The following PDZRN4 variants were observed in gnomAD, a reference collection of about 807,000 sequenced individuals.
The protein encoded by PDZRN4 is PDZ domain containing ring finger 4.
In PDZRN4, 70 loss-of-function variants were observed where a neutral mutation model predicts 99.0. That is an observed-to-expected ratio of 0.71 (90% CI 0.58 to 0.86). The LOEUF is 0.86. Among genes scored for constraint, PDZRN4 ranks in the 40% least tolerant of loss-of-function variants. The pLI, the probability that PDZRN4 is intolerant of heterozygous loss-of-function variation, is 0.00. For missense variants in PDZRN4, 1,474 were observed against 1,331.2 expected (o/e 1.11, Z -1.67); for synonymous variants, 551 against 501.6 (o/e 1.10, Z -1.32).
intron 3 of PDZRN4, among the ~76,000 whole-genome samples, chr12:41,477,598 C>T (rs1937614340): frequency 1.3e-5 from 2 of 152,124 alleles, no homozygotes; most frequent in South Asian, 2.1e-4. Flanking sequence ...AAGGTAGCAG[C>T]CATCAGCAAA....
intron 3 of PDZRN4, among the ~76,000 whole-genome samples, chr12:41,464,636 C>T (rs1952907708): frequency 1.3e-5 from 2 of 152,082 alleles, no homozygotes; most frequent in Admixed American, 6.6e-5. Context: ...TAAAAACAGC[C>T]AAATACTAAC....
At chr12:41,241,145 G>A (rs1951099349) in intron 3 of PDZRN4, among the ~76,000 whole-genome samples, 1 of 151,868 alleles carries the variant, frequency 6.6e-6, no homozygotes, top group Non-Finnish European at 1.5e-5. Flanking sequence ...ATATATTTTG[G>A]AATATACCTT....
intron 3 of PDZRN4, among the ~76,000 whole-genome samples, chr12:41,227,876 T>TACACACACACACACAC (rs138441771): frequency 4.2e-4 from 40 of 94,228 alleles, no homozygotes; most frequent in African/African-American, 1.3e-3. Flanking sequence ...AGCAAAAATC[T>TACACACACACACACAC]ACACACACAC....
At chr12:41,484,187 A>G (rs919504862) in intron 3 of PDZRN4, among the ~76,000 whole-genome samples, 1 of 152,176 alleles carries the variant, frequency 6.6e-6, no homozygotes, top group Non-Finnish European at 1.5e-5. Context: ...TTTCCTCACA[A>G]GTTGAGGGAC....
intron 3 of PDZRN4, chr12:41,409,542 G>C (rs892978723): frequency 2.0e-5 from 3 of 151,996 alleles, no homozygotes; most frequent in Non-Finnish European, 2.9e-5. Context: ...TTTTTCTTTT[G>C]GGCATAAGTT....
At chr12:41,214,942 G>A (rs780138875) in intron 3 of PDZRN4, among the ~76,000 whole-genome samples, 5 of 152,046 alleles carry the variant, frequency 3.3e-5, no homozygotes, top group Non-Finnish European at 1.5e-5. Flanking sequence ...AGCTGGTAAA[G>A]TCTAATACTC....
chr12:41,437,699 A>G (rs1473738553), intron 3 of PDZRN4: 25 of 1,402,330 alleles, frequency 1.8e-5, no homozygotes, highest in South Asian at 3.1e-5. Flanking sequence ...GAGTGTTGCC[A>G]TGAACTGACT....
intron 3 of PDZRN4, among the ~76,000 whole-genome samples, chr12:41,401,121 C>T (rs573402151): frequency 6.6e-6 from 1 of 152,152 alleles, no homozygotes; most frequent in Non-Finnish European, 1.5e-5. Context: ...TTGAAATTTT[C>T]TGTGTAAATG....
chr12:41,542,211 C>T (rs918678965), intron 5 of PDZRN4, among the ~76,000 whole-genome samples: 1 of 152,176 alleles, frequency 6.6e-6, no homozygotes, highest in South Asian at 2.1e-4. Context: ...AGACAGTTTA[C>T]AAATGCTGAG....
intron 3 of PDZRN4, among the ~76,000 whole-genome samples, chr12:41,212,422 T>C (rs772578466): frequency 1.3e-5 from 2 of 152,046 alleles, no homozygotes; most frequent in Non-Finnish European, 2.9e-5. Context: ...ACCCATGTCC[T>C]CTAAATATGG....
At chr12:41,469,865 G>T (rs1259087189) in intron 3 of PDZRN4, among the ~76,000 whole-genome samples, 7 of 152,172 alleles carry the variant, frequency 4.6e-5, no homozygotes, top group Non-Finnish European at 1.0e-4. Context: ...GGGAGGCAGA[G>T]CTTGCAGTGA....
At chr12:41,435,045 T>C (rs7305555) in intron 3 of PDZRN4, among the ~76,000 whole-genome samples, 1 of 152,132 alleles carries the variant, frequency 6.6e-6, no homozygotes, top group African/African-American at 2.4e-5. Context: ...ATGAGTCCAT[T>C]AGAAGCAGAA....
At chr12:41,545,409 C>T (rs1320695777) in intron 5 of PDZRN4, among the ~76,000 whole-genome samples, 1 of 152,070 alleles carries the variant, frequency 6.6e-6, no homozygotes, top group East Asian at 1.9e-4. Flanking sequence ...ATTTTATGAT[C>T]TCTTCAAAAT....
intron 3 of PDZRN4, among the ~76,000 whole-genome samples, chr12:41,443,368 T>C (rs1764334968): frequency 6.6e-6 from 1 of 152,018 alleles, no homozygotes; most frequent in Non-Finnish European, 1.5e-5. Flanking sequence ...AGGCAGTAGA[T>C]GTCAATGGAT....
rs374645706 is a variant in PDZRN4, at chr12:41,317,048, G to GTATACATACA, written c.843+122864_843+122865insCATACATATA. 7.9e-4 allele frequency among the ~76,000 whole-genome samples: 55 copies of GTATACATACA among 69,554 alleles called. 1 individual carries two copies. The highest frequency in any genetic ancestry group is 1.7e-3 in the East Asian group (4 of 2,424). 45.6% of individuals were successfully genotyped at this position (69,554 alleles called of 152,430 possible). A position where few individuals can be genotyped will look rare whatever the true frequency, so the allele number is the denominator to read the frequency against. On this transcript the variant is annotated intron_variant, in intron 3 of 9. Transcript: ENST00000402685. The stretch of plus-strand genomic sequence containing the variant: ...TCCAGAGAATCATAACTTACATAAA[G>GTATACATACA]TATATATATATATATATATATATAT...
chr12:41,232,060 T>C (rs185904971), intron 3 of PDZRN4, among the ~76,000 whole-genome samples: 12 of 151,250 alleles, frequency 7.9e-5, no homozygotes, highest in Admixed American at 4.7e-4. Flanking sequence ...AAAATTTTTT[T>C]TGACTATTTC....
At chr12:41,425,666 G>A (rs2120421736) in intron 3 of PDZRN4, among the ~76,000 whole-genome samples, 1 of 152,194 alleles carries the variant, frequency 6.6e-6, no homozygotes, top group East Asian at 1.9e-4. Flanking sequence ...TTGAGTCAGA[G>A]GATTCACTTT....
intron 7 of PDZRN4, among the ~76,000 whole-genome samples, chr12:41,561,530 G>A (rs1028678555): frequency 2.0e-5 from 3 of 149,492 alleles, no homozygotes; most frequent in African/African-American, 4.9e-5. Flanking sequence ...TAGATTAATG[G>A]TAAGTGCAAT....
chr12:41,324,760 G>A (rs1951700211), intron 3 of PDZRN4, among the ~76,000 whole-genome samples: 1 of 152,094 alleles, frequency 6.6e-6, no homozygotes, highest in African/African-American at 2.4e-5. Flanking sequence ...AACATGACAA[G>A]TGTGAATTGA....
Sources: gnomAD v4.1 joint callset for allele counts (sites outside exome capture counted in the v4.1 genomes callset) on GRCh38, gnomAD v4.1.1 for gene constraint, MANE v1.5 for transcripts, NCBI Gene and HGNC (gene_info 2026-07-23, HGNC 2026-07-21) for gene names.